ALOX5AP: variants seen among roughly 807,000 people sequenced by gnomAD.
ALOX5AP encodes the protein arachidonate 5-lipoxygenase-activating protein.
In ALOX5AP, 9 loss-of-function variants were observed where a neutral mutation model predicts 18.5. The ratio of observed to expected loss-of-function variants is 0.49; its 90% CI spans 0.29 to 0.85. The LOEUF is 0.85. Ranked by LOEUF, ALOX5AP falls within the 40% of genes least tolerant of loss-of-function variation. ALOX5AP has a pLI of 0.08. For synonymous variants in ALOX5AP, 81 were observed against 78.6 expected (o/e 1.03, Z -0.16); for missense variants, 172 against 202.5 (o/e 0.85, Z 0.91).
chr13:30,764,161 C>A lies in ALOX5AP; in HGVS notation c.*55C>A. Reference sequence around the variant, plus strand: ...CATCTAATCAATACCTACAAGTCATCATAATTCAGCTCTTGAGAGCATTCT... The same window carrying A: ...CATCTAATCAATACCTACAAGTCATAATAATTCAGCTCTTGAGAGCATTCT... On this transcript the variant is annotated 3_prime_UTR_variant, in exon 5 of 5. Transcript: ENST00000380490. 6.5e-7 allele frequency: 1 copy of A among 1,547,582 alleles called. No homozygotes were observed. Among genetic ancestry groups the A allele is most frequent in the Non-Finnish European group, 8.8e-7 (1 of 1,138,804 alleles).
chr13:30,735,384 T>A, upstream of ALOX5AP: 3 of 963,122 alleles, frequency 3.1e-6, no homozygotes, highest in Non-Finnish European at 4.4e-6. Context: ...AAGCCCTGCT[T>A]CTCCTGGTGG....
chr13:30,739,088 C>T (rs17239074), intron 1 of ALOX5AP, among the ~76,000 whole-genome samples: 1 of 152,182 alleles, frequency 6.6e-6, no homozygotes, highest in East Asian at 1.9e-4. Context: ...CCAACCACCC[C>T]CCTCCACCGC....
chr13:30,735,733 T>G, intron 1 of ALOX5AP, 58 bp downstream of exon 1: 1 of 1,595,866 alleles, frequency 6.3e-7, no homozygotes. Flanking sequence ...TTGATGGTTG[T>G]TTGGAAGTCA....
intron 1 of ALOX5AP, among the ~76,000 whole-genome samples, chr13:30,719,853 TC>T (rs201603354): frequency 0.015 from 2,221 of 152,132 alleles, 53 homozygotes; most frequent in African/African-American, 0.048. Flanking sequence ...CTTTTTTTTT[TC>T]CCAGAGGATA....
At chr13:30,720,355 C>T (rs1195804004) in intron 1 of ALOX5AP, among the ~76,000 whole-genome samples, 1 of 152,174 alleles carries the variant, frequency 6.6e-6, no homozygotes, top group Non-Finnish European at 1.5e-5. Flanking sequence ...TGTGTGAGAA[C>T]ATCTGTTTTT....
upstream of ALOX5AP, among the ~76,000 whole-genome samples, chr13:30,734,056 C>T (rs533861382): frequency 1.3e-5 from 2 of 152,244 alleles, no homozygotes; most frequent in African/African-American, 4.8e-5. Context: ...TTCATGGTGT[C>T]CATGAGCATG....
chr13:30,716,075 G>A (rs1951547986), intron 1 of ALOX5AP, among the ~76,000 whole-genome samples: 1 of 152,232 alleles, frequency 6.6e-6, no homozygotes, highest in Non-Finnish European at 1.5e-5. Flanking sequence ...TGCTAAGGAA[G>A]AGATCCCCAA....
intron 1 of ALOX5AP, among the ~76,000 whole-genome samples, chr13:30,743,453 A>G (rs1478276563): frequency 6.6e-6 from 1 of 151,958 alleles, no homozygotes; most frequent in Non-Finnish European, 1.5e-5. Flanking sequence ...CATTGAAAGA[A>G]TGATTCATCA....
intron 1 of ALOX5AP, among the ~76,000 whole-genome samples, chr13:30,738,265 T>A (rs1951736232): frequency 6.6e-6 from 1 of 152,196 alleles, no homozygotes; most frequent in Non-Finnish European, 1.5e-5. Context: ...CTTTCAAACA[T>A]GTTTTAGTCA....
intron 4 of ALOX5AP, among the ~76,000 whole-genome samples, chr13:30,762,122 G>T (rs139834971): frequency 6.6e-6 from 1 of 152,212 alleles, no homozygotes; most frequent in African/African-American, 2.4e-5. Context: ...GTCCCACAGG[G>T]AGCTTGTTAA....
intron 1 of ALOX5AP, among the ~76,000 whole-genome samples, chr13:30,726,905 A>C (rs1176616390): frequency 1.3e-5 from 2 of 152,094 alleles, no homozygotes; most frequent in Non-Finnish European, 2.9e-5. Flanking sequence ...AGTTAACTTT[A>C]TATCTCAGTA....
chr13:30,729,526 C>G (rs1951664549), intron 1 of ALOX5AP, among the ~76,000 whole-genome samples: 2 of 150,850 alleles, frequency 1.3e-5, no homozygotes, highest in Admixed American at 6.6e-5. Flanking sequence ...GGATTGCCTA[C>G]AAAACAGATA....
At chr13:30,748,244 A>G (rs556094966) in intron 2 of ALOX5AP, among the ~76,000 whole-genome samples, 1 of 152,274 alleles carries the variant, frequency 6.6e-6, no homozygotes, top group East Asian at 1.9e-4. Flanking sequence ...AGTGGCATAG[A>G]CTTGTAAAAT....
intron 1 of ALOX5AP, among the ~76,000 whole-genome samples, chr13:30,729,389 C>G (rs1302873085): frequency 6.6e-6 from 1 of 152,122 alleles, no homozygotes; most frequent in Non-Finnish European, 1.5e-5. Flanking sequence ...GTTAAAAAGA[C>G]TTTCCTTTCC....
At chr13:30,750,610 T>C (rs1951844776) in intron 2 of ALOX5AP, among the ~76,000 whole-genome samples, 1 of 152,156 alleles carries the variant, frequency 6.6e-6, no homozygotes, top group Admixed American at 6.6e-5. Flanking sequence ...GAGTTCCTTA[T>C]TGGAAACATG....
intron 3 of ALOX5AP, among the ~76,000 whole-genome samples, chr13:30,753,080 A>G (rs989327791): frequency 6.6e-6 from 1 of 152,236 alleles, no homozygotes; most frequent in African/African-American, 2.4e-5. Flanking sequence ...AGTAGCTTCT[A>G]GAGGTCACCT....
chr13:30,745,013 C>T (rs1951798436), intron 2 of ALOX5AP, among the ~76,000 whole-genome samples: 1 of 152,194 alleles, frequency 6.6e-6, no homozygotes, highest in Non-Finnish European at 1.5e-5. Flanking sequence ...AAAATGTATT[C>T]AGAATGCCAA....
intron 1 of ALOX5AP, among the ~76,000 whole-genome samples, chr13:30,715,994 T>A (rs899758516): frequency 1.1e-4 from 17 of 152,138 alleles, no homozygotes; most frequent in African/African-American, 3.9e-4. Flanking sequence ...CGGGCTCCCC[T>A]CCAGAGCTGA....
intron 1 of ALOX5AP, among the ~76,000 whole-genome samples, chr13:30,719,028 C>T (rs1055274913): frequency 1.4e-4 from 22 of 152,154 alleles, no homozygotes; most frequent in Non-Finnish European, 2.5e-4. Context: ...TGCCTGTCAG[C>T]GCAGTGCAGG....
Sources: gnomAD v4.1 joint callset for allele counts (sites outside exome capture counted in the v4.1 genomes callset) on GRCh38, gnomAD v4.1.1 for gene constraint, MANE v1.5 for transcripts, NCBI Gene and HGNC (gene_info 2026-07-23, HGNC 2026-07-21) for gene names.